Variants in SELENON observed in about 807,000 individuals in gnomAD.
The protein encoded by SELENON is selenoprotein N, also known as selenoprotein N, 1.
Under a neutral mutation model 59.5 loss-of-function variants are expected in SELENON, and 44 were observed. That is an observed-to-expected ratio of 0.74 (90% CI 0.58 to 0.95). SELENON has a LOEUF of 0.95. Ranked by LOEUF, SELENON falls within the 40% of genes least tolerant of loss-of-function variation. The pLI is 0.00. For synonymous variants in SELENON, 320 were observed against 305.6 expected, an observed-to-expected ratio of 1.05 and a Z score of -0.49; for missense variants, 674 against 721.4, an observed-to-expected ratio of 0.93 and a Z score of 0.75.
rs763724398 is a variant in SELENON, at chr1:25,813,991, C to G, written c.1498C>G (p.Gln500Glu). The G allele has an allele frequency of 3.7e-6, 6 of 1,613,734 alleles. No individual in the cohort carries two copies. The highest frequency in any genetic ancestry group is 5.1e-6 in the Non-Finnish European group (6 of 1,179,620). The stretch of plus-strand genomic sequence containing the variant: ...CCTGGTGAAGGAGCTGGAGGAACTG[C>G]AGGTGAGCGGGCAGGTGGCAGGAAC... Residue 500 changes from glutamine to glutamate, a missense_variant and splice_region_variant, in exon 11 of 13, where the codon CAG becomes GAG. By Grantham distance (29) the Gln-to-Glu change is conservative. Transcript: ENST00000361547.
rs1015099314 is a variant in SELENON, at chr1:25,800,424, G to A, written c.183+11G>A. On this transcript the variant is annotated intron_variant, in intron 1 of 12. Coordinates refer to ENST00000361547, the MANE Select transcript of SELENON (RefSeq NM_020451.3). ...GCGGCCGCGCGGCAGGTCCGGGCCC[G>A]AGCTGGCTGGGGCGGGAGCGCGGGA... is the stretch of plus-strand genomic sequence containing the variant. 7.3e-6 allele frequency: 8 copies of A among 1,094,970 alleles called. No individual in the cohort carries two copies. In the Admixed American group the frequency reaches 3.1e-4, roughly 42 times the overall value. 67.8% of individuals were successfully genotyped at this position (1,094,970 alleles called of 1,614,324 possible). A position where few individuals can be genotyped will look rare whatever the true frequency, so the allele number is the denominator to read the frequency against.
rs768144311 is a variant in SELENON, at chr1:25,811,856, G to A, written c.1258G>A (p.Val420Met). The change falls in exon 9 of 13, where the codon GTG becomes ATG. Residue 420 changes from valine to methionine, a missense_variant. By Grantham distance (21) the Val-to-Met change is conservative. Transcript: ENST00000361547. ...GGAGGAGGCTGCCCGGCGCCTGGAG[G>A]TGGCCATGTACCCCTTCAAGAAGGT... The A allele has an allele frequency of 5.1e-6, 8 of 1,571,688 alleles. No homozygotes were observed. The South Asian group carries it at 8.2e-5, about 16-fold the overall frequency.
At chr1:25,800,910 G>T in intron 1 of SELENON, 133 bp from the exon 2 acceptor site, 1 of 800,200 alleles carries the variant, frequency 1.2e-6, no homozygotes. Context: ...CATTTGCACA[G>T]ATGGACCGGG....
At chr1:25,800,442 G>C in intron 1 of SELENON, 29 bp downstream of exon 1, 1 of 1,085,162 alleles carries the variant, frequency 9.2e-7, no homozygotes, top group Non-Finnish European at 1.1e-6. Flanking sequence ...TGGGGCGGGA[G>C]CGCGGGAGCG....
intron 6 of SELENON, 81 bp downstream of exon 5, chr1:25,809,231 C>A: frequency 6.3e-7 from 1 of 1,589,204 alleles, no homozygotes; most frequent in Non-Finnish European, 8.6e-7. Context: ...CCAGCTTGAG[C>A]CCCCCAGCTC....
At chr1:25,813,364 G>T (rs1190095011) in intron 10 of SELENON, among the ~76,000 whole-genome samples, 1 of 152,178 alleles carries the variant, frequency 6.6e-6, no homozygotes, top group Admixed American at 6.5e-5. Flanking sequence ...AGGCAGAAGG[G>T]GTCCCTGCCC....
chr1:25,805,170 G>A lies in SELENON; in HGVS notation c.432G>A (p.Glu144=). Reference sequence around the variant, plus strand: ...CAACTCCCGCGGCCAGCTGCGAGGAGGAGGAGTTGCCCCCTGACCCTAGCG... The same window carrying A: ...CAACTCCCGCGGCCAGCTGCGAGGAAGAGGAGTTGCCCCCTGACCCTAGCG... Residue 144 remains glutamate, a synonymous_variant, in exon 4 of 13, where the codon GAG becomes GAA. Transcript: ENST00000361547. 1 of 1,614,020 alleles carries A rather than the reference G, an allele frequency of 6.2e-7. No individual in the cohort carries two copies. Among genetic ancestry groups the A allele is most frequent in the South Asian group, 1.1e-5 (1 of 91,068 alleles).
chr1:25,803,272 T>G (rs892665058), intron 3 of SELENON, among the ~76,000 whole-genome samples: 2 of 152,246 alleles, frequency 1.3e-5, no homozygotes, highest in Non-Finnish European at 2.9e-5. Flanking sequence ...TGAGGTGCAC[T>G]TTTAATTTTT....
chr1:25,805,606 C>G (rs1032571297), intron 4 of SELENON, among the ~76,000 whole-genome samples: 7 of 151,804 alleles, frequency 4.6e-5, no homozygotes, highest in Non-Finnish European at 8.8e-5. Context: ...CAGTAGAGAC[C>G]CTGTTAGTGC....
rs752156505 is a variant in SELENON, at chr1:25,813,889, C to T, written c.1396C>T (p.Arg466Trp). 8.7e-6 allele frequency: 14 copies of T among 1,613,644 alleles called. No homozygotes were observed. Among genetic ancestry groups the T allele is most frequent in the Non-Finnish European group, 1.2e-5 (14 of 1,179,738 alleles). ...TCTGTCTTCCTGAACAGGTTCAGGG[C>T]GGACTCTCCGGGAGACTGTCCTGGA... The change falls in exon 11 of 13, where the codon CGG (arginine) becomes TGG (tryptophan). Residue 466 changes from arginine to tryptophan, a missense_variant. Transcript: ENST00000361547.
chr1:25,805,579 C>T (rs1190490705), intron 4 of SELENON, among the ~76,000 whole-genome samples: 2 of 152,000 alleles, frequency 1.3e-5, no homozygotes, highest in Non-Finnish European at 2.9e-5. Context: ...GGGGGGGTCT[C>T]GGAGGAAGCA....
intron 1 of SELENON, 38 bp downstream of exon 1, chr1:25,800,451 C>T: frequency 9.5e-7 from 1 of 1,053,010 alleles, no homozygotes; most frequent in African/African-American, 1.7e-5. Context: ...AGCGCGGGAG[C>T]GGGGACTGAA....
rs1438966925 is a variant in SELENON at position 25,807,105 on chromosome 1, TAGGGATTAC to T, written c.538-1471_538-1463del. ...CCGAATTATAGGCGTACAGGGATTA[TAGGGATTAC>T]AGGTGTGAGCCACCATGCCCGGCCG... On this transcript the variant is annotated intron_variant, in intron 4 of 12. Transcript: ENST00000361547. The surrounding 1 kb of genome is among the most constrained non-coding windows in gnomAD (Gnocchi z 4.5). Among the ~76,000 whole-genome samples the T allele has an allele frequency of 2.0e-5, 3 of 152,074 alleles. No individual in the cohort carries two copies. The East Asian group carries it at 5.8e-4, about 29-fold the overall frequency.
At position 25,802,064 on chromosome 1, in the gene SELENON, C is replaced by T; in HGVS notation, c.350C>T (p.Ser117Leu). Reference sequence around the variant, plus strand: ...GGAGTGCAGTGGTGCAGTCACAGCTCACTGCAGCCTCAACTTCCCTGGCTC... The same window carrying T: ...GGAGTGCAGTGGTGCAGTCACAGCTTACTGCAGCCTCAACTTCCCTGGCTC... The change falls in exon 3 of 13, where the codon TCA becomes TTA. Residue 117 changes from serine (S) to leucine (L), a missense_variant. Ser to Leu is a moderately radical substitution (Grantham distance 145, BLOSUM62 -2). Coordinates refer to ENST00000361547, the MANE Select transcript of SELENON (RefSeq NM_020451.3). 3.2e-6 allele frequency: 1 copy of T among 309,244 alleles called. No homozygotes were observed. The highest frequency in any genetic ancestry group is 6.7e-6 in the Non-Finnish European group (1 of 150,184). The allele number at this position is 309,244 out of a possible 1,614,324, so 19.2% of individuals were successfully genotyped here. A position where few individuals can be genotyped will look rare whatever the true frequency, so the allele number is the denominator to read the frequency against.
chr1:25,814,800 A>C (rs1359844506), intron 12 of SELENON, among the ~76,000 whole-genome samples: 2 of 152,136 alleles, frequency 1.3e-5, no homozygotes, highest in Admixed American at 1.3e-4. Context: ...TCATCCTTTA[A>C]GTCCCAAGGC....
In SELENON at chr1:25,807,255, C is replaced by T. The variant is rs60602745; in HGVS notation, c.538-1325C>T. On this transcript the variant is annotated intron_variant, in intron 4 of 12. Coordinates refer to ENST00000361547, the MANE Select transcript of SELENON (RefSeq NM_020451.3). The surrounding 1 kb of genome is among the most constrained non-coding windows in gnomAD (Gnocchi z 4.5). ...GGTCCTGTTTACTTGCCGTCTCCCA[C>T]TATAAGCTCCAAGAAGACAGGGTGC... Among the ~76,000 whole-genome samples, 216 of 152,164 alleles carry T rather than the reference C, an allele frequency of 1.4e-3. 2 individuals carry two copies. Among genetic ancestry groups the T allele is most frequent in the Non-Finnish European group, 2.1e-3 (140 of 68,030 alleles).
chr1:25,813,615 G>A (rs767862274), intron 10 of SELENON: 10 of 557,104 alleles, frequency 1.8e-5, no homozygotes, highest in East Asian at 8.3e-5. Flanking sequence ...GACACAGAGC[G>A]TTCATTGGAT....
At chr1:25,806,978 C>T (rs747627048) in intron 4 of SELENON, among the ~76,000 whole-genome samples, 3 of 152,144 alleles carry the variant, frequency 2.0e-5, no homozygotes, top group Non-Finnish European at 2.9e-5. Context: ...CCCACCACCA[C>T]ACCCGGCTAA....
At chr1:25,814,278 A>G (rs904592072) in intron 12 of SELENON, 100 bp downstream of exon 11, 1 of 878,646 alleles carries the variant, frequency 1.1e-6, no homozygotes, top group African/African-American at 1.6e-5. Context: ...AGGCTTCGGG[A>G]CTGTCCCTGC....
Sources: allele counts gnomAD v4.1 joint callset (sites outside exome capture counted in the v4.1 genomes callset), GRCh38; gene constraint gnomAD v4.1.1; non-coding constraint Gnocchi (gnomAD v3.1); transcripts MANE v1.5; gene names NCBI Gene and HGNC (gene_info 2026-07-23, HGNC 2026-07-21).